IRAK1BP1: variants seen among roughly 807,000 people sequenced by gnomAD.
The protein encoded by IRAK1BP1 is interleukin 1 receptor associated kinase 1 binding protein 1, also known as interleukin-1 receptor-associated kinase 1-binding protein 1.
Under a neutral mutation model 28.0 loss-of-function variants are expected in IRAK1BP1, and 24 were observed. That is an observed-to-expected ratio of 0.86 (90% CI 0.62 to 1.20). The LOEUF (loss-of-function observed/expected upper bound fraction) is 1.20. IRAK1BP1 is among the 50% of genes most tolerant of loss of function. The probability of loss-of-function intolerance (pLI) is 0.00; values close to 1 mark genes in which losing one functional copy is unlikely to be tolerated. For synonymous variants in IRAK1BP1, 131 were observed against 116.3 expected (o/e 1.13, Z -0.81); for missense variants, 336 against 316.7 (o/e 1.06, Z -0.46).
At chr6:78,871,556 G>A (rs1770792093) in intron 1 of IRAK1BP1, 2 of 983,628 alleles carry the variant, frequency 2.0e-6, no homozygotes, top group South Asian at 9.4e-5. Context: ...TTCTTGCAAT[G>A]GACTAAATGT....
At chr6:78,944,486 A>AT (rs1189386816) in intron 4 of IRAK1BP1, among the ~76,000 whole-genome samples, 1 of 152,164 alleles carries the variant, frequency 6.6e-6, no homozygotes, top group Non-Finnish European at 1.5e-5. Flanking sequence ...GCCTTGAAAT[A>AT]ATGTCATGGA....
chr6:78,965,623 T>C, the IRAK1BP1 span: 1 of 786,762 alleles, frequency 1.3e-6, no homozygotes. Flanking sequence ...CTGTAAGTGG[T>C]AGCATGTTAG....
the IRAK1BP1 span, chr6:78,955,230 A>G: frequency 6.3e-7 from 1 of 1,599,652 alleles, no homozygotes; most frequent in Non-Finnish European, 8.6e-7. Context: ...AAACTATATT[A>G]CCTTCCTTTT....
rs1353529507 is a variant in IRAK1BP1, at chr6:78,901,699, A to G, written c.*3365A>G. 6.6e-6 allele frequency: 1 copy of G among 152,210 alleles called. No homozygotes were observed. The highest frequency in any genetic ancestry group is 1.5e-5 in the Non-Finnish European group (1 of 68,022). 9.4% of individuals were successfully genotyped at this position (152,210 alleles called of 1,614,324 possible). A position where few individuals can be genotyped will look rare whatever the true frequency, so the allele number is the denominator to read the frequency against. ...AGATTTCATATATTACTGATAATTC[A>G]TAATGAATTTTAGGATTCCATTCAA... On this transcript the variant is annotated 3_prime_UTR_variant, in exon 4 of 4. Coordinates refer to ENST00000369940, the MANE Select transcript of IRAK1BP1 (RefSeq NM_001010844.4).
downstream of IRAK1BP1, chr6:78,947,746 CA>C (rs1773905567): frequency 6.2e-7 from 1 of 1,608,884 alleles, no homozygotes; most frequent in African/African-American, 1.3e-5. Flanking sequence ...TAGCAAAATC[CA>C]TTGGAGTGTC....
intron 4 of IRAK1BP1, among the ~76,000 whole-genome samples, chr6:78,921,766 C>G (rs1772737702): frequency 6.6e-6 from 1 of 152,172 alleles, no homozygotes; most frequent in Non-Finnish European, 1.5e-5. Context: ...GGCTATTCAC[C>G]AATATCTGCT....
downstream of IRAK1BP1, among the ~76,000 whole-genome samples, chr6:78,904,331 C>A (rs997000736): frequency 5.8e-4 from 89 of 152,238 alleles, no homozygotes; most frequent in East Asian, 1.9e-4. Context: ...TGTATCTTTG[C>A]CCTTTACCTC....
intron 4 of IRAK1BP1, among the ~76,000 whole-genome samples, chr6:78,911,036 C>A (rs1008549567): frequency 6.6e-6 from 1 of 152,212 alleles, no homozygotes; most frequent in African/African-American, 2.4e-5. Flanking sequence ...CTCCTATGCC[C>A]TTTATTGCCA....
chr6:78,875,433 A>G (rs1770962588), intron 1 of IRAK1BP1, among the ~76,000 whole-genome samples: 1 of 152,206 alleles, frequency 6.6e-6, no homozygotes, highest in African/African-American at 2.4e-5. Flanking sequence ...ATTCACTTGT[A>G]TGTTTATTGC....
chr6:78,916,786 A>G (rs1266892614), intron 4 of IRAK1BP1, among the ~76,000 whole-genome samples: 1 of 146,796 alleles, frequency 6.8e-6, no homozygotes, highest in Non-Finnish European at 1.5e-5. Context: ...AAAACAATAC[A>G]AAAAAAAAAT....
chr6:78,971,518 G>A, the IRAK1BP1 span, among the ~76,000 whole-genome samples: 2 of 152,124 alleles, frequency 1.3e-5, no homozygotes, highest in African/African-American at 4.8e-5. Flanking sequence ...ATTATTGCGG[G>A]GAGGGGCCAA....
chr6:78,955,346 TTAAC>T, the IRAK1BP1 span: 1 of 1,145,856 alleles, frequency 8.7e-7, no homozygotes, highest in Non-Finnish European at 1.3e-6. Flanking sequence ...TTATAGTTGA[TTAAC>T]TAGCAATTAT....
intron 4 of IRAK1BP1, among the ~76,000 whole-genome samples, chr6:78,929,932 G>GT (rs5877634): frequency 6.6e-6 from 1 of 151,760 alleles, no homozygotes; most frequent in Non-Finnish European, 1.5e-5. Context: ...TTCTGACACA[G>GT]TTTTTTTTTG....
chr6:78,946,853 G>A (rs2275290), downstream of IRAK1BP1: 525,173 of 1,559,242 alleles, frequency 0.34, 91,143 homozygotes, highest in Non-Finnish European at 0.35. Flanking sequence ...AAAGCAGACA[G>A]GCGCAAACTC....
chr6:78,893,308 GTGTGTGTATATATA>G (rs1771737708), intron 2 of IRAK1BP1, among the ~76,000 whole-genome samples: 6 of 87,798 alleles, frequency 6.8e-5, no homozygotes, highest in African/African-American at 2.5e-4. Flanking sequence ...GTGTGTGTGT[GTGTGTGTATATATA>G]TATATATATA....
intron 1 of IRAK1BP1, among the ~76,000 whole-genome samples, chr6:78,878,036 C>A (rs62424926): frequency 6.6e-6 from 1 of 152,046 alleles, no homozygotes. Context: ...TCAAGGAGAC[C>A]TGCCTGCCAC....
At chr6:78,910,087 C>T (rs1772364158) in intron 4 of IRAK1BP1, among the ~76,000 whole-genome samples, 1 of 151,988 alleles carries the variant, frequency 6.6e-6, no homozygotes, top group South Asian at 2.1e-4. Context: ...CGGAGTTTCA[C>T]GGGAGAGGAG....
At chr6:78,961,836 A>C in the IRAK1BP1 span, 2 of 1,561,706 alleles carry the variant, frequency 1.3e-6, no homozygotes, top group Non-Finnish European at 1.7e-6. Flanking sequence ...AAGTTTGTAA[A>C]TTTATTTTTG....
chr6:78,918,131 C>G (rs1345290481), intron 4 of IRAK1BP1, among the ~76,000 whole-genome samples: 1 of 152,022 alleles, frequency 6.6e-6, no homozygotes, highest in Non-Finnish European at 1.5e-5. Flanking sequence ...GATCCCATCT[C>G]TATAAAAAAT....
Sources: gnomAD v4.1 joint callset for allele counts (sites outside exome capture counted in the v4.1 genomes callset) on GRCh38, gnomAD v4.1.1 for gene constraint, MANE v1.5 for transcripts, NCBI Gene and HGNC (gene_info 2026-07-23, HGNC 2026-07-21) for gene names.